The following TENM3 variants were observed in gnomAD, a reference collection of about 807,000 sequenced individuals.
TENM3 encodes teneurin transmembrane protein 3, also known as teneurin-3.
Under a neutral mutation model 255.1 loss-of-function variants are expected in TENM3, and 63 were observed. The ratio of observed to expected loss-of-function variants is 0.25; its 90% CI spans 0.20 to 0.30. The LOEUF (loss-of-function observed/expected upper bound fraction) is 0.30. Among genes scored for constraint, TENM3 ranks in the 10% least tolerant of loss-of-function variants. TENM3 has a pLI of 1.00. For missense variants in TENM3, 2,929 were observed against 3,461.1 expected (o/e 0.85, Z 3.86); for synonymous variants, 1,306 against 1,322.3 (o/e 0.99, Z 0.27).
chr4:181,539,745 C>T, the TENM3 span, among the ~76,000 whole-genome samples: 7 of 152,196 alleles, frequency 4.6e-5, no homozygotes, highest in South Asian at 1.2e-3. Flanking sequence ...ATTTTTCTTT[C>T]CATAATCCTA....
chr4:182,308,626 C>T (rs555317216), intron 1 of TENM3, among the ~76,000 whole-genome samples: 8 of 152,248 alleles, frequency 5.3e-5, no homozygotes, highest in East Asian at 3.9e-4. Context: ...AGGTGTGAGC[C>T]GCTGTGCCCA....
At chr4:181,951,635 T>C in the TENM3 span, among the ~76,000 whole-genome samples, 2 of 152,372 alleles carry the variant, frequency 1.3e-5, no homozygotes, top group African/African-American at 4.8e-5. Context: ...TGCTTTGCTG[T>C]GCTTGGAGAT....
intron 16 of TENM3, among the ~76,000 whole-genome samples, chr4:182,731,918 A>G (rs1369613847): frequency 6.6e-6 from 1 of 151,804 alleles, no homozygotes; most frequent in African/African-American, 2.4e-5. Context: ...AGTAGCTGAG[A>G]CTACAGGCGA....
chr4:182,226,232 T>A (rs1295078159), intron 1 of TENM3, among the ~76,000 whole-genome samples: 2 of 151,838 alleles, frequency 1.3e-5, no homozygotes, highest in Non-Finnish European at 2.9e-5. Context: ...GGCAGCCCAT[T>A]AAAGGAAAGA....
the TENM3 span, among the ~76,000 whole-genome samples, chr4:181,594,096 G>A: frequency 6.7e-4 from 101 of 151,750 alleles, no homozygotes; most frequent in African/African-American, 2.3e-3. Flanking sequence ...GCTGTTTCCA[G>A]GTGTAAGAAG....
At chr4:181,814,736 C>G in the TENM3 span, among the ~76,000 whole-genome samples, 1 of 151,998 alleles carries the variant, frequency 6.6e-6, no homozygotes, top group African/African-American at 2.4e-5. Context: ...AAATAATTTG[C>G]AAAGAGGTGA....
chr4:182,348,832 G>A (rs181663314), intron 3 of TENM3, among the ~76,000 whole-genome samples: 168 of 151,886 alleles, frequency 1.1e-3, no homozygotes, highest in Non-Finnish European at 1.6e-3. Flanking sequence ...TTTAGTTAAC[G>A]ACACATAATA....
At chr4:181,667,386 A>G in the TENM3 span, among the ~76,000 whole-genome samples, 1 of 152,196 alleles carries the variant, frequency 6.6e-6, no homozygotes, top group Non-Finnish European at 1.5e-5. Context: ...GTTTGTTTAT[A>G]ACAATGGCTC....
intron 1 of TENM3, among the ~76,000 whole-genome samples, chr4:182,204,105 G>T (rs1171140566): frequency 6.7e-6 from 1 of 148,268 alleles, no homozygotes; most frequent in Non-Finnish European, 1.5e-5. Flanking sequence ...TGAGTTGGCT[G>T]CGGGGGACAA....
chr4:181,605,578 A>AAGAGAGAGAGAGAGAG, the TENM3 span, among the ~76,000 whole-genome samples: 2 of 28,004 alleles, frequency 7.1e-5, no homozygotes, highest in African/African-American at 1.3e-4. Context: ...AAGAGAGAGA[A>AAGAGAGAGAGAGAGAG]AGAAAGGAAA....
At chr4:181,448,269 C>A in the TENM3 span, among the ~76,000 whole-genome samples, 1 of 140,078 alleles carries the variant, frequency 7.1e-6, no homozygotes, top group East Asian at 2.4e-4. Context: ...CGGGTTCACG[C>A]CATTCTCCTG....
At chr4:181,554,092 G>A in the TENM3 span, among the ~76,000 whole-genome samples, 2 of 152,194 alleles carry the variant, frequency 1.3e-5, no homozygotes, top group Non-Finnish European at 2.9e-5. Context: ...AGCAGGAGGA[G>A]GAAGAGGATA....
chr4:182,388,336 CGAT>C (rs1380009646), intron 3 of TENM3, among the ~76,000 whole-genome samples: 6 of 152,036 alleles, frequency 3.9e-5, no homozygotes, highest in Non-Finnish European at 5.9e-5. Context: ...AAAAACAGTC[CGAT>C]GATGATGATA....
At chr4:182,097,950 G>T in the TENM3 span, among the ~76,000 whole-genome samples, 1 of 152,128 alleles carries the variant, frequency 6.6e-6, no homozygotes, top group South Asian at 2.1e-4. Context: ...CAAGCAAATG[G>T]CAAAGCCTAG....
the TENM3 span, among the ~76,000 whole-genome samples, chr4:181,866,867 A>C: frequency 1.3e-5 from 2 of 152,002 alleles, no homozygotes; most frequent in Non-Finnish European, 2.9e-5. Context: ...CCTAGATGGG[A>C]GTCTGTCCAT....
At chr4:181,602,913 A>C in the TENM3 span, among the ~76,000 whole-genome samples, 1 of 152,176 alleles carries the variant, frequency 6.6e-6, no homozygotes, top group African/African-American at 2.4e-5. Context: ...ATTTTTTTAA[A>C]AAAAGAAGAA....
the TENM3 span, among the ~76,000 whole-genome samples, chr4:181,672,947 T>C: frequency 6.6e-6 from 1 of 152,206 alleles, no homozygotes; most frequent in Admixed American, 6.5e-5. Flanking sequence ...GTCTCTGTTC[T>C]CTGTATTTGC....
the TENM3 span, among the ~76,000 whole-genome samples, chr4:181,552,333 T>C: frequency 3.3e-5 from 5 of 152,208 alleles, no homozygotes; most frequent in African/African-American, 9.6e-5. Context: ...CAGATTAAAA[T>C]ATATGATGGC....
At chr4:181,628,943 G>A in the TENM3 span, among the ~76,000 whole-genome samples, 6 of 152,072 alleles carry the variant, frequency 3.9e-5, no homozygotes, top group African/African-American at 7.2e-5. Flanking sequence ...CCATTTTCAC[G>A]ATATTGATTC....
Sources: allele counts gnomAD v4.1 joint callset (sites outside exome capture counted in the v4.1 genomes callset), GRCh38; gene constraint gnomAD v4.1.1; transcripts MANE v1.5; gene names NCBI Gene and HGNC (gene_info 2026-07-23, HGNC 2026-07-21).